Variants in MTHFSD observed in about 807,000 individuals in gnomAD.
MTHFSD encodes methenyltetrahydrofolate synthetase domain containing.
MTHFSD carries 37 observed loss-of-function variants against 31.1 expected under a neutral mutation model. That is an observed-to-expected ratio of 1.19 (90% CI 0.91 to 1.56). The LOEUF (loss-of-function observed/expected upper bound fraction) is 1.56, where lower values mean the gene tolerates loss of function less well. MTHFSD is among the 40% of genes most tolerant of loss of function. The probability of loss-of-function intolerance (pLI) is 0.00; values close to 1 mark genes in which losing one functional copy is unlikely to be tolerated. For synonymous variants in MTHFSD, 221 were observed against 206.9 expected, an observed-to-expected ratio of 1.07 and a Z score of -0.59; for missense variants, 664 against 510.1, an observed-to-expected ratio of 1.30 and a Z score of -2.91.
intron 2 of MTHFSD, among the ~76,000 whole-genome samples, chr16:86,554,113 C>G (rs900919171): frequency 6.6e-6 from 1 of 152,156 alleles, no homozygotes; most frequent in African/African-American, 2.4e-5. Flanking sequence ...AGCAACAACC[C>G]TCTCCAATCC....
At chr16:86,550,224 G>A (rs1482941741) in intron 3 of MTHFSD, among the ~76,000 whole-genome samples, 1 of 152,252 alleles carries the variant, frequency 6.6e-6, no homozygotes. Context: ...TGAGGACCCT[G>A]AAAGCACCAG....
At position 86,546,575 on chromosome 16, in the gene MTHFSD, G is replaced by T. The variant is rs377000798; in HGVS notation, c.426C>A (p.Val142=). 2 of 1,613,822 alleles carry T rather than the reference G, an allele frequency of 1.2e-6. No homozygotes were observed. The highest frequency in any genetic ancestry group is 1.7e-6 in the Non-Finnish European group (2 of 1,180,014). The change falls in exon 5 of 8, where the codon GTC becomes GTA. Residue 142 remains valine (V), a synonymous_variant. Transcript: ENST00000360900. Reference sequence around the variant, plus strand: ...TAGTCTTACCTTTTTCAGAAACGGCGACGGATCCCACCACAACTAAATCCA... The same window carrying T: ...TAGTCTTACCTTTTTCAGAAACGGCTACGGATCCCACCACAACTAAATCCA... ...VLVDLVVVGS[V]AVSEKGWRIG... is the part of the protein sequence containing the mutation.
chr16:86,548,636 T>C, intron 3 of MTHFSD, 59 bp from the exon 4 acceptor site: 2 of 1,374,654 alleles, frequency 1.5e-6, no homozygotes, highest in South Asian at 1.3e-5. Flanking sequence ...AGGACTTTCT[T>C]ATATGTATTT....
intron 7 of MTHFSD, among the ~76,000 whole-genome samples, chr16:86,539,539 G>A (rs377289370): frequency 2.0e-5 from 3 of 152,352 alleles, no homozygotes; most frequent in Admixed American, 6.5e-5. Flanking sequence ...GGAAGTTACA[G>A]ATAGAGCTAT....
intron 7 of MTHFSD, chr16:86,535,241 A>G: frequency 1.0e-6 from 1 of 985,438 alleles, no homozygotes; most frequent in Non-Finnish European, 1.2e-6. Context: ...AGTGTGTTCC[A>G]CTGCAGGAAA....
rs1390076270 is a variant in MTHFSD at position 86,531,714 on chromosome 16, C to A, written c.*297G>T. The A allele has an allele frequency of 3.7e-6, 1 of 268,330 alleles. No individual in the cohort carries two copies. Among genetic ancestry groups the A allele is most frequent in the Non-Finnish European group, 7.0e-6 (1 of 142,882 alleles). The allele number at this position is 268,330 out of a possible 1,614,324, so 16.6% of individuals were successfully genotyped here. A position where few individuals can be genotyped will look rare whatever the true frequency, so the allele number is the denominator to read the frequency against. ...CCCTGCTTAGCCACTCACTCAGTCC[C>A]TGGCCCCTCTGCTCTGTCCCTCCAG... On this transcript the variant is annotated 3_prime_UTR_variant, in exon 8 of 8. Transcript: ENST00000360900. The surrounding 1 kb of genome is among the most constrained non-coding windows in gnomAD (Gnocchi z 5.5).
Position 86,546,314 on chromosome 16 carries a change from A to G in MTHFSD, c.442+245T>C, listed in dbSNP as rs765453503. On this transcript the variant is annotated intron_variant, in intron 5 of 7. Coordinates refer to ENST00000360900, the MANE Select transcript of MTHFSD (RefSeq NM_001159377.2). ...AGAAAACCTTTCACCACCTGAACAG[A>G]GAGTTATCTCACTTTGTTTTTCCTG... Among the ~76,000 whole-genome samples, 6 of 152,240 alleles carry G rather than the reference A, an allele frequency of 3.9e-5. No homozygotes were observed. In the East Asian group the frequency reaches 7.7e-4, roughly 20 times the overall value.
chr16:86,535,545 T>A (rs1970574940), intron 7 of MTHFSD: 1 of 982,092 alleles, frequency 1.0e-6, no homozygotes, highest in African/African-American at 1.7e-5. Flanking sequence ...ATTATGCTTG[T>A]TACTCAAACA....
In MTHFSD at chr16:86,534,819, A is replaced by T. The variant is rs116569406; in HGVS notation, c.682-2338T>A. Among the ~76,000 whole-genome samples, 937 of 120,744 alleles carry T rather than the reference A, an allele frequency of 7.8e-3. 15 individuals carry two copies. The highest frequency in any genetic ancestry group is 0.029 in the African/African-American group (904 of 31,180). The allele number at this position is 120,744 out of a possible 152,430, so 79.2% of individuals were successfully genotyped here. ...CGTGGGGTGGGGTGGGGGCAAGGTAAGGGGTGCAGTAAGGGGTAGGGGTTT... is the reference window on the plus strand; with the variant it reads ...CGTGGGGTGGGGTGGGGGCAAGGTATGGGGTGCAGTAAGGGGTAGGGGTTT... On this transcript the variant is annotated intron_variant, in intron 7 of 7. Coordinates refer to ENST00000360900, the MANE Select transcript of MTHFSD (RefSeq NM_001159377.2).
In MTHFSD at chr16:86,555,002, C is replaced by T. The variant is rs544454450; in HGVS notation, c.16+167G>A. 1.6e-5 allele frequency: 22 copies of T among 1,388,962 alleles called. No individual in the cohort carries two copies. In the African/African-American group the frequency reaches 1.6e-4, roughly 10 times the overall value. The allele number at this position is 1,388,962 out of a possible 1,614,324, so 86.0% of individuals were successfully genotyped here. ...TTTCTCGGGATTCCGGGCGAGAGAG[C>T]CGCTGGTTCGACCCGAACCCAGCAC... On this transcript the variant is annotated intron_variant, in intron 1 of 7. Coordinates refer to ENST00000360900, the MANE Select transcript of MTHFSD (RefSeq NM_001159377.2).
intron 5 of MTHFSD, among the ~76,000 whole-genome samples, chr16:86,545,008 A>C (rs1040964300): frequency 3.3e-5 from 5 of 152,222 alleles, no homozygotes; most frequent in African/African-American, 1.2e-4. Context: ...CTGAACAATG[A>C]GAACATATGG....
In MTHFSD at chr16:86,532,314, G is replaced by C. The variant is rs374171063; in HGVS notation, c.849C>G (p.Pro283=). 1.9e-6 allele frequency: 3 copies of C among 1,592,420 alleles called. No homozygotes were observed. Among genetic ancestry groups the C allele is most frequent in the Non-Finnish European group, 1.7e-6 (2 of 1,170,666 alleles). ...CCTCCATGGAATTGGTTTCTGGTCC[G>C]GGTGTGTCCGGGGGCCTCCTGCCAA... ...LSVGRRPPDT[P]GPETNSMEAA... is the part of the protein sequence containing the mutation. The change falls in exon 8 of 8, where the codon CCC becomes CCG. Residue 283 remains proline (P), a synonymous_variant. Transcript: ENST00000360900.
Position 86,542,148 on chromosome 16 carries a change from C to T in MTHFSD, c.508G>A (p.Ala170Thr), listed in dbSNP as rs771062891. The T allele has an allele frequency of 8.7e-6, 14 of 1,613,672 alleles. No homozygotes were observed. Among genetic ancestry groups the T allele is most frequent in the East Asian group, 4.5e-5 (2 of 44,894 alleles). The change falls in exon 6 of 8, where the codon GCC (alanine) becomes ACC (threonine). Residue 170 changes from alanine to threonine, a missense_variant. Ala to Thr is a moderately conservative substitution (Grantham distance 58). Transcript: ENST00000360900. This position sits in a 1 kb window ranked among gnomAD's most constrained non-coding sequence, Gnocchi z 4.6. ...LEYAMMVSMG[A>T]VSKETPVVTI... ...ACCACCGGCGTCTCCTTGCTGACGG[C>T]GCCCATGGATACCATCATGGCATAT...
chr16:86,543,716 A>G (rs943773498), intron 5 of MTHFSD, among the ~76,000 whole-genome samples: 9 of 152,224 alleles, frequency 5.9e-5, no homozygotes, highest in African/African-American at 1.9e-4. Flanking sequence ...CCTAAAAACT[A>G]TAAGACAGGG....
chr16:86,542,431 G>A lies in MTHFSD; in HGVS notation c.443-218C>T. 1 of 561,642 alleles carries A rather than the reference G, an allele frequency of 1.8e-6. No homozygotes were observed. The highest frequency in any genetic ancestry group is 2.1e-5 in the South Asian group (1 of 46,942). The allele number at this position is 561,642 out of a possible 1,614,324, so 34.8% of individuals were successfully genotyped here. On this transcript the variant is annotated intron_variant, in intron 5 of 7. Coordinates refer to ENST00000360900, the MANE Select transcript of MTHFSD (RefSeq NM_001159377.2). The surrounding 1 kb of genome is among the most constrained non-coding windows in gnomAD (Gnocchi z 4.6). ...GGAATAACAACACGGCCAATGTCAG[G>A]TGGTGAAACTACAATGACGTGAACA... is the stretch of plus-strand genomic sequence containing the variant.
intron 4 of MTHFSD, among the ~76,000 whole-genome samples, chr16:86,546,908 C>G (rs771493626): frequency 4.6e-5 from 7 of 152,194 alleles, no homozygotes; most frequent in Non-Finnish European, 8.8e-5. Context: ...AACTTCATAA[C>G]ATTTAACAAA....
In MTHFSD at chr16:86,548,222, G is replaced by A; in HGVS notation, c.351+242C>T. ...CCCGTCTTCCCTTTTCTTACAATAA[G>A]GAATTTATAATTTGCCAATTTCGTG... On this transcript the variant is annotated intron_variant, in intron 4 of 7. Transcript: ENST00000360900. 3 of 1,052,314 alleles carry A rather than the reference G, an allele frequency of 2.9e-6. No individual in the cohort carries two copies. The South Asian group carries it at 4.6e-5, about 16-fold the overall frequency. 65.2% of individuals were successfully genotyped at this position (1,052,314 alleles called of 1,614,324 possible).
intron 7 of MTHFSD, 107 bp from the exon 8 acceptor site, chr16:86,532,588 G>C: frequency 1.1e-6 from 1 of 895,830 alleles, no homozygotes. Flanking sequence ...ACGTGGACTG[G>C]ATGCCAAGTG....
At chr16:86,552,588 C>T (rs932634322) in intron 2 of MTHFSD, among the ~76,000 whole-genome samples, 1 of 152,202 alleles carries the variant, frequency 6.6e-6, no homozygotes, top group Non-Finnish European at 1.5e-5. Context: ...CAAGCAGTAG[C>T]ATGACCTGGA....
Sources: allele counts gnomAD v4.1 joint callset (sites outside exome capture counted in the v4.1 genomes callset), GRCh38; gene constraint gnomAD v4.1.1; non-coding constraint Gnocchi (gnomAD v3.1); transcripts MANE v1.5; gene names NCBI Gene and HGNC (gene_info 2026-07-23, HGNC 2026-07-21).